SASS6: variants seen among roughly 807,000 people sequenced by gnomAD.
SASS6 encodes spindle assembly abnormal protein 6 homolog.
SASS6 carries 59 observed loss-of-function variants against 94.9 expected under a neutral mutation model. The ratio of observed to expected loss-of-function variants is 0.62; its 90% confidence interval spans 0.50 to 0.77. SASS6 has a LOEUF of 0.77. SASS6 is among the 30% of genes least tolerant of loss of function. The pLI, the probability that SASS6 is intolerant of heterozygous loss-of-function variation, is 0.00. For synonymous variants in SASS6, 264 were observed against 270.0 expected (o/e 0.98, Z 0.22); for missense variants, 698 against 734.1 (o/e 0.95, Z 0.57).
In SASS6 at chr1:100,105,918, C is replaced by T. The variant is rs925424007; in HGVS notation, c.1409-15G>A. On this transcript the variant is annotated splice_polypyrimidine_tract_variant and intron_variant, in intron 12 of 16. Transcript: ENST00000287482. Reference sequence around the variant, plus strand: ...CCACGTGATTACTTAAATAAAAGAACAAGAAGCAAGGTAAAGAATATTGAC... The same window carrying T: ...CCACGTGATTACTTAAATAAAAGAATAAGAAGCAAGGTAAAGAATATTGAC... The T allele has an allele frequency of 1.9e-6, 3 of 1,544,304 alleles. No individual in the cohort carries two copies. The highest frequency in any genetic ancestry group is 2.7e-6 in the Non-Finnish European group (3 of 1,131,122).
chr1:100,119,220 G>A lies in SASS6; in HGVS notation c.550-83C>T, dbSNP rs1178083633. On this transcript the variant is annotated intron_variant, in intron 6 of 16. Transcript: ENST00000287482. ...GATTAGAATATAGCAATATTTACAA[G>A]GATATTAAAGAAAACAAAATTATAG... The A allele has an allele frequency of 4.2e-6, 3 of 721,642 alleles. No individual in the cohort carries two copies. The African/African-American group carries it at 5.5e-5, about 13-fold the overall frequency. The allele number at this position is 721,642 out of a possible 1,614,324, so 44.7% of individuals were successfully genotyped here. A position where few individuals can be genotyped will look rare whatever the true frequency, so the allele number is the denominator to read the frequency against.
intron 1 of SASS6, among the ~76,000 whole-genome samples, chr1:100,129,237 T>C (rs906709657): frequency 1.3e-4 from 18 of 140,074 alleles, no homozygotes; most frequent in African/African-American, 4.7e-4. Flanking sequence ...AGCCTCTCTC[T>C]AAAAAAAAAA....
chr1:100,108,107 A>T lies in SASS6; in HGVS notation c.862-103T>A, dbSNP rs1429794783. 11 of 639,322 alleles carry T rather than the reference A, an allele frequency of 1.7e-5. No individual in the cohort carries two copies. In the South Asian group the frequency reaches 2.0e-4, roughly 12 times the overall value. 39.6% of individuals were successfully genotyped at this position (639,322 alleles called of 1,614,324 possible). On this transcript the variant is annotated intron_variant, in intron 8 of 16. Transcript: ENST00000287482. The stretch of plus-strand genomic sequence containing the variant: ...CTAACATATTAAAAAAAAGTCTTTA[A>T]TAATTTTAAAGTTTTAGTACAGATT...
intron 1 of SASS6, among the ~76,000 whole-genome samples, chr1:100,131,381 T>C (rs1283515487): frequency 1.3e-5 from 2 of 152,234 alleles, no homozygotes; most frequent in African/African-American, 4.8e-5. Flanking sequence ...AGAAGTCACA[T>C]TTTAAAAAGA....
At chr1:100,115,277 G>A (rs1212950425) in intron 7 of SASS6, among the ~76,000 whole-genome samples, 1 of 152,098 alleles carries the variant, frequency 6.6e-6, no homozygotes, top group Non-Finnish European at 1.5e-5. Context: ...AACCACAGTG[G>A]TACTGGTAGG....
Position 100,105,899 on chromosome 1 carries a change from G to A in SASS6, c.1413C>T (p.Ile471=), listed in dbSNP as rs1442782806. 1.3e-6 allele frequency: 2 copies of A among 1,588,600 alleles called. No homozygotes were observed. Among genetic ancestry groups the A allele is most frequent in the Non-Finnish European group, 1.7e-6 (2 of 1,165,156 alleles). Residue 471 remains isoleucine, a synonymous_variant, in exon 13 of 17, where the codon ATC becomes ATT. Transcript: ENST00000287482. ...KQLLKNNEKL[I]TWLNKELNEN... ...CATTTAGTTCTTTATTTAACCACGT[G>A]ATTACTTAAATAAAAGAACAAGAAG...
chr1:100,085,677 CTT>C (rs1321668021), intron 15 of SASS6, 47 bp from the exon 16 acceptor site: 1 of 1,184,954 alleles, frequency 8.4e-7, no homozygotes, highest in African/African-American at 1.5e-5. Flanking sequence ...TCTTTATTAA[CTT>C]TGAAGGTTTA....
At chr1:100,126,899 C>T (rs1236197427) in intron 1 of SASS6, among the ~76,000 whole-genome samples, 1 of 152,306 alleles carries the variant, frequency 6.6e-6, no homozygotes. Context: ...TTCACATCCA[C>T]GAATTAAATC....
intron 13 of SASS6, among the ~76,000 whole-genome samples, chr1:100,105,015 A>G (rs187567025): frequency 1.3e-5 from 2 of 152,240 alleles, no homozygotes; most frequent in African/African-American, 4.8e-5. Context: ...AGTTTCTTGT[A>G]GAATCTAAAG....
intron 13 of SASS6, among the ~76,000 whole-genome samples, chr1:100,104,967 T>A (rs1652782379): frequency 6.6e-6 from 1 of 151,464 alleles, no homozygotes. Flanking sequence ...GAGAAAAAAA[T>A]CTGGTCCTGG....
intron 14 of SASS6, among the ~76,000 whole-genome samples, chr1:100,089,192 T>C (rs918254664): frequency 1.3e-5 from 2 of 152,078 alleles, no homozygotes; most frequent in African/African-American, 4.8e-5. Context: ...CTAATAAACT[T>C]TAAGACACAG....
chr1:100,107,687 G>T lies in SASS6; in HGVS notation c.1087C>A (p.Gln363Lys). The change falls in exon 10 of 17, where the codon CAA becomes AAA. Residue 363 changes from glutamine (Q) to lysine (K), a missense_variant. Gln to Lys is a moderately conservative substitution (Grantham distance 53, BLOSUM62 1). Transcript: ENST00000287482. ...GCTTCAAGCTTTCCTAGTTGTACTT[G>T]ATTTTTCTCACCATTTTCTTCTAAA... ...VVLEENGEKNQVQLGKLEATI... is the reference protein window; with the variant it reads ...VVLEENGEKNKVQLGKLEATI... 6.2e-7 allele frequency: 1 copy of T among 1,604,776 alleles called. No individual in the cohort carries two copies. Among genetic ancestry groups the T allele is most frequent in the South Asian group, 1.1e-5 (1 of 89,172 alleles).
intron 14 of SASS6, among the ~76,000 whole-genome samples, chr1:100,095,586 G>A (rs1652050369): frequency 6.6e-6 from 1 of 152,050 alleles, no homozygotes; most frequent in Admixed American, 6.6e-5. Context: ...TTACAATAAG[G>A]CAAGAAAAAT....
intron 14 of SASS6, among the ~76,000 whole-genome samples, chr1:100,100,323 AT>A (rs1220009748): frequency 6.6e-6 from 1 of 152,166 alleles, no homozygotes; most frequent in Non-Finnish European, 1.5e-5. Flanking sequence ...AGACATTACA[AT>A]TTACTATCTA....
In SASS6 at chr1:100,084,710, AC is replaced by A. The variant is rs1470991342; in HGVS notation, c.*617del. On this transcript the variant is annotated 3_prime_UTR_variant, in exon 17 of 17. Transcript: ENST00000287482. ...AAGCACTTAATCTGGTCACATAAAA[AC>A]TGTCCAAATTATTTTAAGTATATCA... The A allele has an allele frequency of 6.6e-6, 1 of 152,144 alleles. No homozygotes were observed. Among genetic ancestry groups the A allele is most frequent in the Non-Finnish European group, 1.5e-5 (1 of 67,990 alleles). The allele number at this position is 152,144 out of a possible 1,614,324, so 9.4% of individuals were successfully genotyped here.
chr1:100,102,136 T>C (rs553871503), intron 14 of SASS6, among the ~76,000 whole-genome samples: 1 of 152,074 alleles, frequency 6.6e-6, no homozygotes, highest in East Asian at 1.9e-4. Context: ...ATAATAAAAA[T>C]GAGGAAAAAG....
intron 14 of SASS6, among the ~76,000 whole-genome samples, chr1:100,092,784 C>T (rs566935815): frequency 6.6e-6 from 1 of 152,126 alleles, no homozygotes; most frequent in Non-Finnish European, 1.5e-5. Context: ...ACTGCTTTAG[C>T]CAGGATGGTC....
intron 14 of SASS6, among the ~76,000 whole-genome samples, chr1:100,092,562 GTTTT>G (rs916738090): frequency 1.6e-4 from 25 of 152,034 alleles, no homozygotes; most frequent in African/African-American, 5.8e-4. Flanking sequence ...CCACTCCAGA[GTTTT>G]TTTGTGTTTT....
intron 13 of SASS6, among the ~76,000 whole-genome samples, chr1:100,105,506 G>A (rs1174088558): frequency 6.6e-6 from 1 of 151,318 alleles, no homozygotes; most frequent in Non-Finnish European, 1.5e-5. Flanking sequence ...CAGCCTGAGC[G>A]ACAGAGCGAG....
Sources: allele counts gnomAD v4.1 joint callset (sites outside exome capture counted in the v4.1 genomes callset), GRCh38; gene constraint gnomAD v4.1.1; transcripts MANE v1.5; gene names NCBI Gene and HGNC (gene_info 2026-07-23, HGNC 2026-07-21).